LRP1B: variants seen among roughly 807,000 people sequenced by gnomAD.
LRP1B encodes the protein LDL receptor related protein 1B.
In LRP1B, 217 loss-of-function variants were observed where a neutral mutation model predicts 556.6. The observed-to-expected ratio is 0.39, with a 90% confidence interval of 0.35 to 0.44. LRP1B has a LOEUF of 0.44. Ranked by LOEUF, LRP1B falls within the 20% of genes least tolerant of loss-of-function variation. The pLI, the probability that LRP1B is intolerant of heterozygous loss-of-function variation, is 1.00. For synonymous variants in LRP1B, 2,047 were observed against 1,865.8 expected (o/e 1.10, Z -2.50); for missense variants, 5,053 against 5,620.8 (o/e 0.90, Z 3.23).
rs1176087906 is a variant in LRP1B at position 140,323,957 on chromosome 2, G to A, written c.12450C>T (p.Tyr4150=). Residue 4150 remains tyrosine (Y), a synonymous_variant, in exon 81 of 91, where the codon TAC becomes TAT. Coordinates refer to ENST00000389484, the MANE Select transcript of LRP1B (RefSeq NM_018557.3). ...VQKFGHGSVE[Y]LALNIDKTKG... ...TTGTTTTATCAATATTTAAAGCTAAGTACTCTACTGAACCATGGCCAAATT... is the reference window on the plus strand; with the variant it reads ...TTGTTTTATCAATATTTAAAGCTAAATACTCTACTGAACCATGGCCAAATT... 8 of 1,596,394 alleles carry A rather than the reference G, an allele frequency of 5.0e-6. No homozygotes were observed. The highest frequency in any genetic ancestry group is 6.0e-6 in the Non-Finnish European group (7 of 1,164,760).
chr2:140,371,256 T>G lies in LRP1B; in HGVS notation c.10798A>C (p.Ile3600Leu), dbSNP rs139026346. ...GAAATACATCCATCACTGGCACATA[T>G]ATATTCACGTGATGAGCAAGTAGGA... Reference protein sequence around the residue: ...ASPTCSSREYICASDGCISAS... With the variant: ...ASPTCSSREYLCASDGCISAS... Residue 3600 changes from isoleucine to leucine, a missense_variant, in exon 70 of 91, where the codon ATA (isoleucine) becomes CTA (leucine). Physicochemically the swap from Ile to Leu is conservative, Grantham distance 5 (BLOSUM62 2). Coordinates refer to ENST00000389484, the MANE Select transcript of LRP1B (RefSeq NM_018557.3). 3 of 1,590,934 alleles carry G rather than the reference T, an allele frequency of 1.9e-6. No homozygotes were observed. Among genetic ancestry groups the G allele is most frequent in the South Asian group, 2.3e-5 (2 of 86,774 alleles).
At chr2:141,047,054 T>G (rs865987059) in intron 11 of LRP1B, among the ~76,000 whole-genome samples, 13 of 70,634 alleles carry the variant, frequency 1.8e-4, no homozygotes, top group Non-Finnish European at 3.6e-4. Flanking sequence ...TGCACAAAAA[T>G]TAATAATAAT....
chr2:141,039,934 A>G (rs932547375), intron 11 of LRP1B, among the ~76,000 whole-genome samples: 3 of 152,120 alleles, frequency 2.0e-5, no homozygotes, highest in African/African-American at 7.2e-5. Flanking sequence ...GTGAAACTGA[A>G]CACTGTTTTC....
chr2:141,440,918 G>A (rs1307955788), intron 3 of LRP1B, among the ~76,000 whole-genome samples: 3 of 152,150 alleles, frequency 2.0e-5, no homozygotes, highest in African/African-American at 7.2e-5. Context: ...TCACACTGAA[G>A]GAACAGCAGT....
intron 83 of LRP1B, among the ~76,000 whole-genome samples, chr2:140,299,957 T>C (rs1007390256): frequency 8.5e-5 from 13 of 152,180 alleles, no homozygotes; most frequent in Non-Finnish European, 1.8e-4. Context: ...TTTTTTTTTG[T>C]TTACATTAGG....
intron 2 of LRP1B, among the ~76,000 whole-genome samples, chr2:141,665,620 A>G (rs1413715711): frequency 1.3e-5 from 2 of 152,204 alleles, no homozygotes; most frequent in East Asian, 1.9e-4. Flanking sequence ...TTAAAGATAC[A>G]TGCATTCATA....
At chr2:141,003,044 T>A (rs1212544967) in intron 15 of LRP1B, among the ~76,000 whole-genome samples, 3 of 151,918 alleles carry the variant, frequency 2.0e-5, no homozygotes, top group African/African-American at 7.2e-5. Flanking sequence ...CTGAGGGTAT[T>A]ATTCCAAATA....
In LRP1B at chr2:141,762,819, A is replaced by G. The variant is rs202057879; in HGVS notation, c.205+47460T>C. ...ACATATATAGAGAAAAATATTTAAA[A>G]GTTAGTAAATGGATTTATTTGTAAC... On this transcript the variant is annotated intron_variant, in intron 2 of 90. Transcript: ENST00000389484. Among the ~76,000 whole-genome samples the G allele has an allele frequency of 1.6e-4, 24 of 152,336 alleles. No homozygotes were observed. In the East Asian group the frequency reaches 4.6e-3, roughly 29 times the overall value.
Position 141,445,485 on chromosome 2 carries a change from T to C in LRP1B, c.343+34911A>G, listed in dbSNP as rs543813513. 2.6e-5 allele frequency among the ~76,000 whole-genome samples: 4 copies of C among 152,360 alleles called. No homozygotes were observed. The East Asian group carries it at 7.7e-4, about 29-fold the overall frequency. ...GATAACTTTTGAATTTGTTTGCTCT[T>C]GCTTCTCTAGTTCTTTTAATTGTGA... On this transcript the variant is annotated intron_variant, in intron 3 of 90. Coordinates refer to ENST00000389484, the MANE Select transcript of LRP1B (RefSeq NM_018557.3).
intron 3 of LRP1B, among the ~76,000 whole-genome samples, chr2:141,421,982 C>T (rs1680160393): frequency 6.6e-6 from 1 of 152,070 alleles, no homozygotes; most frequent in Non-Finnish European, 1.5e-5. Context: ...TTTCTGAAGA[C>T]AGGGATTTTG....
At chr2:140,513,490 T>G (rs1323986426) in intron 51 of LRP1B, among the ~76,000 whole-genome samples, 1 of 78,142 alleles carries the variant, frequency 1.3e-5, no homozygotes, top group Non-Finnish European at 2.9e-5. Context: ...TCTAATTGAT[T>G]ACTGACTTTT....
At chr2:140,247,240 C>A in intron 86 of LRP1B, 78 bp from the exon 87 acceptor site, 1 of 967,868 alleles carries the variant, frequency 1.0e-6, no homozygotes, top group Non-Finnish European at 1.7e-6. Flanking sequence ...GTAACTTTAA[C>A]CAAATGAAAG....
At chr2:141,422,418 T>G (rs1184425737) in intron 3 of LRP1B, among the ~76,000 whole-genome samples, 1 of 152,180 alleles carries the variant, frequency 6.6e-6, no homozygotes, top group African/African-American at 2.4e-5. Context: ...GTCTTGGATG[T>G]TTTTCTGTCT....
At chr2:141,797,181 A>C (rs1695849929) in intron 2 of LRP1B, among the ~76,000 whole-genome samples, 1 of 128,916 alleles carries the variant, frequency 7.8e-6, no homozygotes, top group East Asian at 2.4e-4. Flanking sequence ...ATATATATAT[A>C]TATATAACTA....
intron 41 of LRP1B, among the ~76,000 whole-genome samples, chr2:140,633,832 C>G (rs1683979691): frequency 6.6e-6 from 1 of 152,006 alleles, no homozygotes; most frequent in Non-Finnish European, 1.5e-5. Flanking sequence ...AAGAAAGCAC[C>G]AGATCCAAGG....
At chr2:140,249,505 A>G (rs114413672) in intron 86 of LRP1B, among the ~76,000 whole-genome samples, 313 of 151,768 alleles carry the variant, frequency 2.1e-3, no homozygotes, top group African/African-American at 7.4e-3. Context: ...TAAATTCATA[A>G]TCTTTACAGA....
chr2:141,283,833 A>G (rs1685601906), intron 3 of LRP1B, among the ~76,000 whole-genome samples: 1 of 152,052 alleles, frequency 6.6e-6, no homozygotes, highest in African/African-American at 2.4e-5. Flanking sequence ...TAAAAGAAAA[A>G]AAAAAAGAAT....
In LRP1B at chr2:140,231,825, T is replaced by C. The variant is rs1336332328; in HGVS notation, c.*1361A>G. On this transcript the variant is annotated 3_prime_UTR_variant, in exon 91 of 91. Transcript: ENST00000389484. ...TTATGACAGCTAAAAGTCAGTCATGTCTATCAGAGGAACAAAAAGCCCTCC... is the reference window on the plus strand; with the variant it reads ...TTATGACAGCTAAAAGTCAGTCATGCCTATCAGAGGAACAAAAAGCCCTCC... 2.0e-5 allele frequency: 3 copies of C among 151,792 alleles called. No individual in the cohort carries two copies. The highest frequency in any genetic ancestry group is 4.4e-5 in the Non-Finnish European group (3 of 67,574). The allele number at this position is 151,792 out of a possible 1,614,324, so 9.4% of individuals were successfully genotyped here.
At chr2:140,948,536 T>C (rs912226207) in intron 20 of LRP1B, among the ~76,000 whole-genome samples, 2 of 152,218 alleles carry the variant, frequency 1.3e-5, no homozygotes, top group Non-Finnish European at 2.9e-5. Context: ...TAATGGAGAA[T>C]GAGAGATAAT....
Sources: allele counts gnomAD v4.1 joint callset (sites outside exome capture counted in the v4.1 genomes callset), GRCh38; gene constraint gnomAD v4.1.1; transcripts MANE v1.5; gene names NCBI Gene and HGNC (gene_info 2026-07-23, HGNC 2026-07-21).